MACROD2: variants seen among roughly 807,000 people sequenced by gnomAD.
MACROD2 encodes the protein mono-ADP ribosylhydrolase 2, also known as ADP-ribose glycohydrolase MACROD2.
MACROD2 carries 36 observed loss-of-function variants against 70.4 expected under a neutral mutation model. The ratio of observed to expected loss-of-function variants is 0.51; its 90% CI spans 0.39 to 0.68. MACROD2 has a LOEUF of 0.68. MACROD2 is among the 30% of genes least tolerant of loss of function. MACROD2 has a pLI of 0.00. For missense variants in MACROD2, 496 were observed against 538.4 expected, an observed-to-expected ratio of 0.92 and a Z score of 0.78; for synonymous variants, 172 against 178.8, an observed-to-expected ratio of 0.96 and a Z score of 0.30.
Position 15,988,469 on chromosome 20 carries a change from A to G in MACROD2, c.1153+1311A>G, listed in dbSNP as rs186485927. Among the ~76,000 whole-genome samples, 5 of 152,290 alleles carry G rather than the reference A, an allele frequency of 3.3e-5. No individual in the cohort carries two copies. In the South Asian group the frequency reaches 6.2e-4, roughly 19 times the overall value. On this transcript the variant is annotated intron_variant, in intron 15 of 17. Coordinates refer to ENST00000684519, the MANE Select transcript of MACROD2 (RefSeq NM_001351661.2). ...AATGCAAATGGTAAAGAGGAAAATC[A>G]AACAGCTGTACGTTTTCCTCTTTTG... is the stretch of plus-strand genomic sequence containing the variant.
intron 3 of MACROD2, among the ~76,000 whole-genome samples, chr20:14,428,164 A>G (rs2083955231): frequency 6.6e-6 from 1 of 152,136 alleles, no homozygotes. Flanking sequence ...ATTGAAATAC[A>G]GATGGAGAGA....
At chr20:14,560,642 T>C (rs1979372738) in intron 4 of MACROD2, among the ~76,000 whole-genome samples, 1 of 151,904 alleles carries the variant, frequency 6.6e-6, no homozygotes, top group Admixed American at 6.6e-5. Flanking sequence ...AGTGATTTTC[T>C]TGAGAATATT....
intron 4 of MACROD2, among the ~76,000 whole-genome samples, chr20:14,495,479 T>C (rs2084843257): frequency 1.3e-5 from 2 of 152,214 alleles, no homozygotes; most frequent in Admixed American, 1.3e-4. Flanking sequence ...ATTCCTAGCA[T>C]GTAGTCTTTT....
chr20:15,829,518 C>G (rs1600960863), intron 8 of MACROD2, among the ~76,000 whole-genome samples: 2 of 152,138 alleles, frequency 1.3e-5, no homozygotes, highest in South Asian at 2.1e-4. Flanking sequence ...CACCCCTTGA[C>G]CAGCAAGCTG....
intron 3 of MACROD2, among the ~76,000 whole-genome samples, chr20:14,465,570 G>GTCATTATGA (rs1317532169): frequency 1.3e-5 from 2 of 152,052 alleles, no homozygotes; most frequent in Non-Finnish European, 2.9e-5. Flanking sequence ...ATTTGATCCT[G>GTCATTATGA]TCATTATGAT....
At chr20:15,956,184 A>T (rs1209462422) in intron 12 of MACROD2, among the ~76,000 whole-genome samples, 2 of 152,090 alleles carry the variant, frequency 1.3e-5, no homozygotes, top group Non-Finnish European at 2.9e-5. Flanking sequence ...GTGTTGTAGG[A>T]ATTGTCTATT....
chr20:14,669,999 G>A (rs1374768659), intron 4 of MACROD2, among the ~76,000 whole-genome samples: 1 of 152,018 alleles, frequency 6.6e-6, no homozygotes, highest in Non-Finnish European at 1.5e-5. Context: ...TGCCTGGATG[G>A]AGGAACGAGG....
rs78279857 is a variant in MACROD2 at position 14,089,193 on chromosome 20, A to G, written c.271+3465A>G. Among the ~76,000 whole-genome samples the G allele has an allele frequency of 7.8e-3, 1,188 of 152,332 alleles. 18 individuals are homozygous for G. Among genetic ancestry groups the G allele is most frequent in the African/African-American group, 0.026 (1,093 of 41,574 alleles). On this transcript the variant is annotated intron_variant, in intron 3 of 17. Coordinates refer to ENST00000684519, the MANE Select transcript of MACROD2 (RefSeq NM_001351661.2). Reference sequence around the variant, plus strand: ...TGGCCATGTTTTGCATCTCACAAGGATAGTCTCATCAGGAAGATCCCAGGT... The same window carrying G: ...TGGCCATGTTTTGCATCTCACAAGGGTAGTCTCATCAGGAAGATCCCAGGT...
chr20:14,441,248 A>C (rs915075), intron 3 of MACROD2, among the ~76,000 whole-genome samples: 23,645 of 152,150 alleles, frequency 0.16, 2,618 homozygotes, highest in Non-Finnish European at 0.23. Context: ...AAAGAAGTCT[A>C]GTCCAGCCTC....
chr20:15,790,735 T>A (rs1034567539), intron 8 of MACROD2, among the ~76,000 whole-genome samples: 1 of 151,854 alleles, frequency 6.6e-6, no homozygotes, highest in African/African-American at 2.4e-5. Flanking sequence ...AGAAAAAAAA[T>A]TATCATTAGT....
chr20:14,690,551 G>A (rs977271842), intron 5 of MACROD2, among the ~76,000 whole-genome samples: 2 of 152,172 alleles, frequency 1.3e-5, no homozygotes, highest in African/African-American at 4.8e-5. Flanking sequence ...CTATGAGGAG[G>A]TGACGTGACA....
At chr20:15,429,864 T>C (rs907164852) in intron 6 of MACROD2, among the ~76,000 whole-genome samples, 1 of 152,078 alleles carries the variant, frequency 6.6e-6, no homozygotes, top group Non-Finnish European at 1.5e-5. Context: ...AGGCTTTTAG[T>C]GTAACCGTCA....
At chr20:14,630,947 T>G (rs1984474311) in intron 4 of MACROD2, among the ~76,000 whole-genome samples, 1 of 152,196 alleles carries the variant, frequency 6.6e-6, no homozygotes, top group Non-Finnish European at 1.5e-5. Flanking sequence ...ATAATTCACT[T>G]ACAGAATTAT....
chr20:14,780,409 A>G (rs949558245), intron 5 of MACROD2, among the ~76,000 whole-genome samples: 6 of 151,966 alleles, frequency 3.9e-5, no homozygotes, highest in African/African-American at 1.5e-4. Context: ...CAAAAAATAC[A>G]AACTTAGTCG....
At chr20:15,508,219 C>T (rs1045333234) in intron 8 of MACROD2, among the ~76,000 whole-genome samples, 3 of 151,696 alleles carry the variant, frequency 2.0e-5, no homozygotes, top group Non-Finnish European at 4.4e-5. Flanking sequence ...GTACTATGTC[C>T]ATTATGCCCC....
intron 6 of MACROD2, among the ~76,000 whole-genome samples, chr20:15,405,554 C>T (rs888301020): frequency 6.6e-6 from 1 of 152,172 alleles, no homozygotes; most frequent in Non-Finnish European, 1.5e-5. Context: ...TGCATGCCTG[C>T]CTTGGAGTCT....
At chr20:14,999,206 C>A (rs1442268925) in intron 5 of MACROD2, among the ~76,000 whole-genome samples, 1 of 152,192 alleles carries the variant, frequency 6.6e-6, no homozygotes, top group East Asian at 1.9e-4. Context: ...GCACAAAACT[C>A]ATTGGGAGTA....
intron 8 of MACROD2, among the ~76,000 whole-genome samples, chr20:15,515,075 G>C (rs2047549372): frequency 6.6e-6 from 1 of 152,178 alleles, no homozygotes. Flanking sequence ...CCATGGTTTG[G>C]TCAACTTTTA....
rs537829667 is a variant in MACROD2 at position 15,714,023 on chromosome 20, A to G, written c.646-148722A>G. Among the ~76,000 whole-genome samples, 363 of 149,264 alleles carry G rather than the reference A, an allele frequency of 2.4e-3. 3 individuals are homozygous for G. Among genetic ancestry groups the G allele is most frequent in the African/African-American group, 8.9e-3 (346 of 38,878 alleles). On this transcript the variant is annotated intron_variant, in intron 8 of 17. Coordinates refer to ENST00000684519, the MANE Select transcript of MACROD2 (RefSeq NM_001351661.2). ...CACACACACACACACACACACACAC[A>G]CACACACACGGTATAAATGATGGAA... is the stretch of plus-strand genomic sequence containing the variant.
Sources: allele counts gnomAD v4.1 joint callset (sites outside exome capture counted in the v4.1 genomes callset), GRCh38; gene constraint gnomAD v4.1.1; transcripts MANE v1.5; gene names NCBI Gene and HGNC (gene_info 2026-07-23, HGNC 2026-07-21).